The following QTMAN variants were observed in gnomAD, a reference collection of about 807,000 sequenced individuals.
QTMAN encodes queuosine-tRNA mannosyltransferase.
chr2:144,108,133 C>T, the QTMAN span, among the ~76,000 whole-genome samples: 16 of 152,220 alleles, frequency 1.1e-4, no homozygotes, highest in Middle Eastern at 0.01. Context: ...TTATGACAAA[C>T]CCACAGCCAA....
the QTMAN span, among the ~76,000 whole-genome samples, chr2:144,045,264 T>A: frequency 1.3e-5 from 2 of 152,150 alleles, no homozygotes; most frequent in Non-Finnish European, 2.9e-5. Context: ...TCAGGAAAAA[T>A]AGAATGTTGA....
the QTMAN span, among the ~76,000 whole-genome samples, chr2:144,330,272 G>A: frequency 1.3e-5 from 2 of 152,132 alleles, no homozygotes; most frequent in African/African-American, 2.4e-5. Flanking sequence ...TATTCAGTAC[G>A]GTAACATGCT....
chr2:144,121,265 G>A, the QTMAN span, among the ~76,000 whole-genome samples: 1 of 152,130 alleles, frequency 6.6e-6, no homozygotes, highest in East Asian at 1.9e-4. Context: ...CCCTCGCACA[G>A]TATGCAGTTT....
chr2:144,233,425 G>C, the QTMAN span, among the ~76,000 whole-genome samples: 6 of 152,172 alleles, frequency 3.9e-5, no homozygotes, highest in African/African-American at 1.4e-4. Flanking sequence ...TTTCACAATG[G>C]TGGTCTGTGT....
the QTMAN span, among the ~76,000 whole-genome samples, chr2:144,202,564 T>C: frequency 6.6e-6 from 1 of 152,202 alleles, no homozygotes; most frequent in African/African-American, 2.4e-5. Flanking sequence ...ATGATGCTCC[T>C]TATTCTATAG....
At chr2:143,955,947 C>T in the QTMAN span, among the ~76,000 whole-genome samples, 3 of 152,124 alleles carry the variant, frequency 2.0e-5, no homozygotes, top group African/African-American at 7.2e-5. Context: ...AATGAGCCAG[C>T]GTGAAGCCGA....
At chr2:144,104,904 C>T in the QTMAN span, among the ~76,000 whole-genome samples, 6 of 152,200 alleles carry the variant, frequency 3.9e-5, no homozygotes, top group Non-Finnish European at 7.3e-5. Flanking sequence ...CCCTCTGAGA[C>T]GAAGCTTCCA....
At chr2:144,083,034 C>T in the QTMAN span, among the ~76,000 whole-genome samples, 1 of 152,112 alleles carries the variant, frequency 6.6e-6, no homozygotes, top group Admixed American at 6.6e-5. Flanking sequence ...TCTCTAGAGG[C>T]CGGCAGTTGC....
At chr2:144,038,805 T>C in the QTMAN span, among the ~76,000 whole-genome samples, 2 of 152,328 alleles carry the variant, frequency 1.3e-5, no homozygotes, top group East Asian at 3.9e-4. Context: ...AGATTAAAAT[T>C]AAGGGATGGC....
the QTMAN span, among the ~76,000 whole-genome samples, chr2:144,248,859 A>C: frequency 6.6e-6 from 1 of 152,070 alleles, no homozygotes. Flanking sequence ...CATCTCACAT[A>C]TACTGTCTCT....
At chr2:143,952,285 G>A in the QTMAN span, among the ~76,000 whole-genome samples, 1 of 151,446 alleles carries the variant, frequency 6.6e-6, no homozygotes, top group Admixed American at 6.6e-5. Flanking sequence ...TCTCCTTTGG[G>A]TGATTAAAAT....
the QTMAN span, among the ~76,000 whole-genome samples, chr2:144,020,351 T>C: frequency 6.6e-6 from 1 of 152,088 alleles, no homozygotes; most frequent in Admixed American, 6.6e-5. Flanking sequence ...CGGCTGAATA[T>C]TGAAAGAAGC....
chr2:144,262,556 C>A, the QTMAN span, among the ~76,000 whole-genome samples: 12 of 85,086 alleles, frequency 1.4e-4, no homozygotes, highest in Admixed American at 2.0e-3. Context: ...GGTGACAGAG[C>A]AAGATGCTGT....
At chr2:143,980,271 G>A in the QTMAN span, among the ~76,000 whole-genome samples, 3 of 152,002 alleles carry the variant, frequency 2.0e-5, no homozygotes, top group East Asian at 1.9e-4. Flanking sequence ...ACTTGTAAGT[G>A]AGAACATGCA....
At chr2:144,241,740 T>C in the QTMAN span, among the ~76,000 whole-genome samples, 1 of 152,168 alleles carries the variant, frequency 6.6e-6, no homozygotes, top group African/African-American at 2.4e-5. Context: ...CTTATCTTGT[T>C]ACTATAAAGC....
At chr2:143,999,536 A>C in the QTMAN span, among the ~76,000 whole-genome samples, 1 of 152,066 alleles carries the variant, frequency 6.6e-6, no homozygotes, top group Non-Finnish European at 1.5e-5. Context: ...ATTCACACAC[A>C]ATCATGTATA....
the QTMAN span, among the ~76,000 whole-genome samples, chr2:144,313,373 T>G: frequency 6.6e-6 from 1 of 152,196 alleles, no homozygotes; most frequent in Non-Finnish European, 1.5e-5. Flanking sequence ...AAACAAACAA[T>G]TCCTAGTCAT....
At chr2:144,270,338 G>A in the QTMAN span, among the ~76,000 whole-genome samples, 3 of 152,078 alleles carry the variant, frequency 2.0e-5, no homozygotes, top group African/African-American at 4.8e-5. Flanking sequence ...TCATCCAACC[G>A]TAAAGATACA....
the QTMAN span, chr2:144,141,825 A>T: frequency 7.7e-7 from 1 of 1,304,872 alleles, no homozygotes. Context: ...ATCAATTTTT[A>T]TACATTTGAG....
Sources: allele counts gnomAD v4.1 joint callset (sites outside exome capture counted in the v4.1 genomes callset), GRCh38; gene constraint gnomAD v4.1.1; transcripts MANE v1.5; gene names NCBI Gene and HGNC (gene_info 2026-07-23, HGNC 2026-07-21).